The following PPP1R14C variants were observed in gnomAD, a reference collection of about 807,000 sequenced individuals.
PPP1R14C encodes the protein protein phosphatase 1 regulatory subunit 14C.
Under a neutral mutation model 20.4 loss-of-function variants are expected in PPP1R14C, and 16 were observed. The observed-to-expected ratio is 0.78, with a 90% CI of 0.53 to 1.19. The LOEUF (loss-of-function observed/expected upper bound fraction) is 1.19, where lower values mean the gene tolerates loss of function less well. Ranked by LOEUF, PPP1R14C falls within the 50% of genes most tolerant of loss-of-function variation. PPP1R14C has a pLI of 0.00. For missense variants in PPP1R14C, 211 were observed against 220.1 expected (o/e 0.96, Z 0.26); for synonymous variants, 91 against 91.0 (o/e 1.00, Z 0.00).
chr6:150,238,729 G>T (rs1371446531), intron 3 of PPP1R14C, among the ~76,000 whole-genome samples: 2 of 152,264 alleles, frequency 1.3e-5, no homozygotes, highest in Non-Finnish European at 2.9e-5. Flanking sequence ...GTCTGGCATA[G>T]ACTCTACTTA....
chr6:150,183,672 T>G (rs1777646631), intron 1 of PPP1R14C, among the ~76,000 whole-genome samples: 1 of 152,070 alleles, frequency 6.6e-6, no homozygotes, highest in Non-Finnish European at 1.5e-5. Flanking sequence ...CCACTGCACC[T>G]GGCTAGTTTT....
At chr6:150,241,811 C>T (rs898130389) in intron 3 of PPP1R14C, among the ~76,000 whole-genome samples, 6 of 152,114 alleles carry the variant, frequency 3.9e-5, no homozygotes, top group African/African-American at 1.2e-4. Context: ...CGCTTGAACC[C>T]GGGAGGCGGA....
At chr6:150,199,798 G>C (rs1264386501) in intron 1 of PPP1R14C, among the ~76,000 whole-genome samples, 2 of 151,514 alleles carry the variant, frequency 1.3e-5, no homozygotes, top group Non-Finnish European at 2.9e-5. Flanking sequence ...GAGCCCAGGA[G>C]TTCAAGGTTA....
chr6:150,190,357 T>C (rs1255954293), intron 1 of PPP1R14C, among the ~76,000 whole-genome samples: 3 of 151,860 alleles, frequency 2.0e-5, no homozygotes, highest in African/African-American at 4.8e-5. Context: ...ACTTTATGCA[T>C]GTTAGGAATG....
At chr6:150,183,626 C>T (rs1462345073) in intron 1 of PPP1R14C, among the ~76,000 whole-genome samples, 1 of 152,170 alleles carries the variant, frequency 6.6e-6, no homozygotes, top group African/African-American at 2.4e-5. Context: ...ATTCTCCTGC[C>T]TCAGCCTCCC....
At chr6:150,150,329 T>C (rs769531389) in intron 1 of PPP1R14C, among the ~76,000 whole-genome samples, 4 of 152,148 alleles carry the variant, frequency 2.6e-5, no homozygotes, top group Admixed American at 6.5e-5. Context: ...GAAGTTTAGG[T>C]TGACAGAATT....
chr6:150,178,834 G>C (rs1278278594), intron 1 of PPP1R14C, among the ~76,000 whole-genome samples: 1 of 151,574 alleles, frequency 6.6e-6, no homozygotes, highest in East Asian at 1.9e-4. Context: ...ATCTCACAGG[G>C]GACAAATTTC....
intron 3 of PPP1R14C, among the ~76,000 whole-genome samples, chr6:150,239,916 T>A (rs1310889555): frequency 6.6e-6 from 1 of 151,926 alleles, no homozygotes; most frequent in Non-Finnish European, 1.5e-5. Context: ...TAGCTGGGCG[T>A]GGTGGTGCAT....
chr6:150,246,758 T>C (rs1199443560), intron 3 of PPP1R14C, among the ~76,000 whole-genome samples: 2 of 152,144 alleles, frequency 1.3e-5, no homozygotes, highest in Non-Finnish European at 2.9e-5. Context: ...CATCCAAATA[T>C]CCAGTGGTGG....
At chr6:150,246,310 A>G (rs753063218) in intron 3 of PPP1R14C, among the ~76,000 whole-genome samples, 1 of 152,202 alleles carries the variant, frequency 6.6e-6, no homozygotes. Flanking sequence ...GCTTTAAAAA[A>G]AAAACAAGCT....
rs557068988 is a variant in PPP1R14C at position 150,147,847 on chromosome 6, T to C, written c.306+4349T>C. Among the ~76,000 whole-genome samples, 16 of 152,292 alleles carry C rather than the reference T, an allele frequency of 1.1e-4. No individual in the cohort carries two copies. The East Asian group carries it at 3.1e-3, about 29-fold the overall frequency. Reference sequence around the variant, plus strand: ...CTGACTCCCCATTACCCCCATTTTATAAAAACTGTCTTCTGAGAGATGGTG... The same window carrying C: ...CTGACTCCCCATTACCCCCATTTTACAAAAACTGTCTTCTGAGAGATGGTG... On this transcript the variant is annotated intron_variant, in intron 1 of 3. Transcript: ENST00000361131.
intron 3 of PPP1R14C, among the ~76,000 whole-genome samples, chr6:150,223,536 T>C (rs1428456923): frequency 6.6e-6 from 1 of 152,216 alleles, no homozygotes; most frequent in Non-Finnish European, 1.5e-5. Flanking sequence ...ATTTGGACCA[T>C]TCTAATTGGT....
chr6:150,238,352 C>T (rs559015967), intron 3 of PPP1R14C, among the ~76,000 whole-genome samples: 14 of 152,266 alleles, frequency 9.2e-5, no homozygotes, highest in African/African-American at 3.1e-4. Flanking sequence ...AAAAATTTCC[C>T]CGGAAGGAGT....
chr6:150,207,275 A>G (rs1342547636), intron 1 of PPP1R14C, among the ~76,000 whole-genome samples: 1 of 152,232 alleles, frequency 6.6e-6, no homozygotes, highest in Non-Finnish European at 1.5e-5. Context: ...AATACTGGTA[A>G]TATAGGATCC....
Position 150,249,674 on chromosome 6 carries a change from C to G in PPP1R14C, c.*854C>G. 1 of 397,532 alleles carries G rather than the reference C, an allele frequency of 2.5e-6. No homozygotes were observed. Among genetic ancestry groups the G allele is most frequent in the Non-Finnish European group, 4.4e-6 (1 of 225,968 alleles). 24.6% of individuals were successfully genotyped at this position (397,532 alleles called of 1,614,324 possible). A position where few individuals can be genotyped will look rare whatever the true frequency, so the allele number is the denominator to read the frequency against. On this transcript the variant is annotated 3_prime_UTR_variant, in exon 4 of 4. Transcript: ENST00000361131. Reference sequence around the variant, plus strand: ...ATTGGAAAAAGGAAGCACTGTGTAGCAGTGAATTGTCTGCTTTCCACCGAG... The same window carrying G: ...ATTGGAAAAAGGAAGCACTGTGTAGGAGTGAATTGTCTGCTTTCCACCGAG...
intron 1 of PPP1R14C, among the ~76,000 whole-genome samples, chr6:150,203,269 T>C (rs1777900662): frequency 6.6e-6 from 1 of 152,244 alleles, no homozygotes; most frequent in African/African-American, 2.4e-5. Flanking sequence ...ACTATCTCCA[T>C]ATTTTAGTCT....
Position 150,143,789 on chromosome 6 carries a change from C to T in PPP1R14C, c.306+291C>T, listed in dbSNP as rs1024517998. On this transcript the variant is annotated intron_variant, in intron 1 of 3. Transcript: ENST00000361131. The surrounding 1 kb of genome is among the most constrained non-coding windows in gnomAD (Gnocchi z 5.6). ...GGAGCACAGTGCTTTTCTCCGAGCT[C>T]CGGGCGCCTCTGGGCTCCAGCTGCA... is the stretch of plus-strand genomic sequence containing the variant. Among the ~76,000 whole-genome samples, 3 of 152,084 alleles carry T rather than the reference C, an allele frequency of 2.0e-5. No individual in the cohort carries two copies. Among genetic ancestry groups the T allele is most frequent in the Non-Finnish European group, 4.4e-5 (3 of 67,998 alleles).
chr6:150,188,061 T>C (rs77237351), intron 1 of PPP1R14C, among the ~76,000 whole-genome samples: 89 of 152,364 alleles, frequency 5.8e-4, no homozygotes, highest in Non-Finnish European at 1.2e-3. Flanking sequence ...GAATATTATA[T>C]TCTAACATAG....
intron 1 of PPP1R14C, among the ~76,000 whole-genome samples, chr6:150,212,810 C>T (rs1363095656): frequency 1.3e-5 from 2 of 152,114 alleles, no homozygotes; most frequent in Admixed American, 6.6e-5. Flanking sequence ...TACATTATTC[C>T]GTATGGTAAT....
Sources: gnomAD v4.1 joint callset for allele counts (sites outside exome capture counted in the v4.1 genomes callset) on GRCh38, gnomAD v4.1.1 for gene constraint, Gnocchi (gnomAD v3.1) non-coding constraint, MANE v1.5 for transcripts, NCBI Gene and HGNC (gene_info 2026-07-23, HGNC 2026-07-21) for gene names.